KCNIP4: variants seen among roughly 807,000 people sequenced by gnomAD.
KCNIP4 encodes Kv channel-interacting protein 4.
In KCNIP4, 12 loss-of-function variants were observed where a neutral mutation model predicts 34.0. The observed-to-expected ratio is 0.35, with a 90% CI of 0.23 to 0.57. The LOEUF (loss-of-function observed/expected upper bound fraction) is 0.57, where lower values mean the gene tolerates loss of function less well. KCNIP4 is among the 20% of genes least tolerant of loss of function. KCNIP4 has a pLI of 0.83. For missense variants in KCNIP4, 238 were observed against 311.7 expected, an observed-to-expected ratio of 0.76 and a Z score of 1.78; for synonymous variants, 124 against 102.2, an observed-to-expected ratio of 1.21 and a Z score of -1.29.
intron 1 of KCNIP4, among the ~76,000 whole-genome samples, chr4:21,598,606 T>A (rs1306958488): frequency 6.6e-6 from 1 of 152,128 alleles, no homozygotes; most frequent in Non-Finnish European, 1.5e-5. Context: ...CATTAATCCC[T>A]CACAGAGCCT....
intron 1 of KCNIP4, among the ~76,000 whole-genome samples, chr4:21,349,412 G>A (rs1359171282): frequency 6.6e-6 from 1 of 152,116 alleles, no homozygotes; most frequent in Non-Finnish European, 1.5e-5. Flanking sequence ...AGGAGTCGCT[G>A]GAGACACTGG....
intron 1 of KCNIP4, among the ~76,000 whole-genome samples, chr4:20,953,525 T>C (rs1408419512): frequency 6.6e-6 from 1 of 151,970 alleles, no homozygotes; most frequent in Non-Finnish European, 1.5e-5. Context: ...GTACTAAATA[T>C]ACAAAAATTA....
chr4:21,785,333 G>A (rs28603158), intron 1 of KCNIP4, among the ~76,000 whole-genome samples: 14,354 of 151,502 alleles, frequency 0.095, 2,342 homozygotes, highest in African/African-American at 0.33. Flanking sequence ...GTTCACACCT[G>A]TAATCCCAGC....
intron 1 of KCNIP4, among the ~76,000 whole-genome samples, chr4:21,662,342 C>T (rs1017445393): frequency 6.6e-6 from 1 of 152,194 alleles, no homozygotes; most frequent in African/African-American, 2.4e-5. Flanking sequence ...TGTCCAAAGT[C>T]ACACAGTTTA....
chr4:20,880,894 G>T (rs1412077114), intron 2 of KCNIP4, among the ~76,000 whole-genome samples: 1 of 152,136 alleles, frequency 6.6e-6, no homozygotes, highest in Non-Finnish European at 1.5e-5. Flanking sequence ...GAGATGGTGT[G>T]CATGTGTGTG....
chr4:21,916,835 A>G (rs1728658010), intron 1 of KCNIP4, among the ~76,000 whole-genome samples: 1 of 152,178 alleles, frequency 6.6e-6, no homozygotes, highest in East Asian at 1.9e-4. Context: ...CCTTCTTATC[A>G]GCAATATCAA....
intron 1 of KCNIP4, among the ~76,000 whole-genome samples, chr4:21,945,865 A>G (rs913403469): frequency 6.6e-6 from 1 of 151,426 alleles, no homozygotes; most frequent in Admixed American, 6.6e-5. Flanking sequence ...TTTAACATGG[A>G]AGCTGGCAGG....
At chr4:21,884,958 C>G (rs988349469) in intron 1 of KCNIP4, among the ~76,000 whole-genome samples, 11 of 150,976 alleles carry the variant, frequency 7.3e-5, no homozygotes, top group Non-Finnish European at 1.6e-4. Flanking sequence ...GCCTCCCCCC[C>G]ACTACTGTTA....
At chr4:20,818,816 A>G (rs1450622636) in intron 3 of KCNIP4, among the ~76,000 whole-genome samples, 1 of 151,938 alleles carries the variant, frequency 6.6e-6, no homozygotes, top group Non-Finnish European at 1.5e-5. Context: ...CAGAAACACT[A>G]TGTATAATAT....
intron 1 of KCNIP4, among the ~76,000 whole-genome samples, chr4:21,810,640 A>C (rs1721586507): frequency 6.9e-6 from 1 of 145,742 alleles, no homozygotes; most frequent in Non-Finnish European, 1.5e-5. Context: ...CAGTGAGCCG[A>C]GATCGCGCCA....
intron 1 of KCNIP4, among the ~76,000 whole-genome samples, chr4:21,899,210 A>G (rs1727570307): frequency 6.6e-6 from 1 of 152,174 alleles, no homozygotes; most frequent in Non-Finnish European, 1.5e-5. Context: ...ACAGATTCCA[A>G]AAAAGGCATT....
rs545693307 is a variant in KCNIP4, at chr4:21,153,841, G to T, written c.62-271132C>A. Among the ~76,000 whole-genome samples the T allele has an allele frequency of 2.0e-3, 300 of 152,160 alleles. 1 individual carries two copies. The highest frequency in any genetic ancestry group is 7.0e-3 in the African/African-American group (289 of 41,522). The stretch of plus-strand genomic sequence containing the variant: ...AAAGGTACAAAATCACACATCATGA[G>T]TTCTTTCATCAGGTATATCCACTCA... On this transcript the variant is annotated intron_variant, in intron 1 of 8. Coordinates refer to ENST00000382152, the MANE Select transcript of KCNIP4 (RefSeq NM_025221.6).
chr4:20,916,800 G>A (rs1728856312), intron 1 of KCNIP4, among the ~76,000 whole-genome samples: 1 of 151,396 alleles, frequency 6.6e-6, no homozygotes, highest in Non-Finnish European at 1.5e-5. Flanking sequence ...CATAATGGAG[G>A]AACATTTTTC....
At chr4:20,932,727 C>T (rs1409899018) in intron 1 of KCNIP4, among the ~76,000 whole-genome samples, 2 of 152,024 alleles carry the variant, frequency 1.3e-5, no homozygotes, top group Non-Finnish European at 2.9e-5. Flanking sequence ...TGCTTAAATA[C>T]AGATTCAACT....
At chr4:21,362,465 G>A (rs1384681490) in intron 1 of KCNIP4, among the ~76,000 whole-genome samples, 1 of 152,154 alleles carries the variant, frequency 6.6e-6, no homozygotes, top group African/African-American at 2.4e-5. Context: ...GAGCTTTGGA[G>A]TCTAAGACAT....
chr4:21,080,258 G>A (rs1407634103), intron 1 of KCNIP4, among the ~76,000 whole-genome samples: 15 of 151,674 alleles, frequency 9.9e-5, no homozygotes, highest in Admixed American at 9.9e-4. Context: ...TATAATATGG[G>A]GATTATCATG....
intron 1 of KCNIP4, among the ~76,000 whole-genome samples, chr4:21,308,203 A>G (rs899022305): frequency 5.3e-5 from 8 of 152,218 alleles, no homozygotes; most frequent in African/African-American, 1.9e-4. Flanking sequence ...TACTGGCTCC[A>G]AATCTTTGTC....
intron 1 of KCNIP4, among the ~76,000 whole-genome samples, chr4:21,436,631 G>C (rs114536752): frequency 6.6e-6 from 1 of 152,132 alleles, no homozygotes; most frequent in Non-Finnish European, 1.5e-5. Flanking sequence ...TGCACTTTCT[G>C]TCTGTGTAAC....
At chr4:21,595,168 T>C (rs1742544808) in intron 1 of KCNIP4, among the ~76,000 whole-genome samples, 1 of 151,924 alleles carries the variant, frequency 6.6e-6, no homozygotes, top group African/African-American at 2.4e-5. Flanking sequence ...CAGGCCCCAG[T>C]GTGTGATGTT....
Sources: allele counts gnomAD v4.1 joint callset (sites outside exome capture counted in the v4.1 genomes callset), GRCh38; gene constraint gnomAD v4.1.1; transcripts MANE v1.5; gene names NCBI Gene and HGNC (gene_info 2026-07-23, HGNC 2026-07-21).